Variants in AFAP1L2 observed in about 807,000 individuals in gnomAD.
AFAP1L2 encodes the protein actin filament-associated protein 1-like 2.
In AFAP1L2, 46 loss-of-function variants were observed where a neutral mutation model predicts 99.3. The ratio of observed to expected loss-of-function variants is 0.46; its 90% CI spans 0.37 to 0.59. The LOEUF (loss-of-function observed/expected upper bound fraction) is 0.59. Among genes scored for constraint, AFAP1L2 ranks in the 20% least tolerant of loss-of-function variants. The probability of loss-of-function intolerance (pLI) is 0.00; values close to 1 mark genes in which losing one functional copy is unlikely to be tolerated. For missense variants in AFAP1L2, 959 were observed against 1,034.9 expected, an observed-to-expected ratio of 0.93 and a Z score of 1.01; for synonymous variants, 397 against 419.1, an observed-to-expected ratio of 0.95 and a Z score of 0.64.
intron 1 of AFAP1L2, among the ~76,000 whole-genome samples, chr10:114,391,470 T>A (rs926621899): frequency 3.9e-5 from 6 of 152,184 alleles, no homozygotes; most frequent in Non-Finnish European, 5.9e-5. Flanking sequence ...TCCACCTGCC[T>A]CAGCCTCCCA....
At chr10:114,391,964 A>C (rs1337398069) in intron 1 of AFAP1L2, among the ~76,000 whole-genome samples, 1 of 152,194 alleles carries the variant, frequency 6.6e-6, no homozygotes, top group Non-Finnish European at 1.5e-5. Context: ...CTCTCCCCAC[A>C]GCCACTGGTG....
At chr10:114,310,796 G>C (rs1433980879) in intron 7 of AFAP1L2, among the ~76,000 whole-genome samples, 4 of 152,236 alleles carry the variant, frequency 2.6e-5, no homozygotes, top group Non-Finnish European at 2.9e-5. Context: ...CAGGGCTACT[G>C]TTCTGTTGCA....
chr10:114,296,352 G>A (rs1030361436), intron 18 of AFAP1L2: 3 of 453,688 alleles, frequency 6.6e-6, no homozygotes, highest in Non-Finnish European at 7.9e-6. Context: ...CATTGTTGTG[G>A]GACCTCCAAA....
At chr10:114,386,564 G>C (rs528492550) in intron 1 of AFAP1L2, among the ~76,000 whole-genome samples, 1 of 151,644 alleles carries the variant, frequency 6.6e-6, no homozygotes, top group African/African-American at 2.4e-5. Flanking sequence ...CTCTTCCCCC[G>C]GCAGAGATGG....
intron 1 of AFAP1L2, among the ~76,000 whole-genome samples, chr10:114,370,320 C>T (rs1327929192): frequency 6.6e-6 from 1 of 152,208 alleles, no homozygotes; most frequent in East Asian, 1.9e-4. Context: ...TACTACAAGC[C>T]TTCAGCTATT....
At chr10:114,312,137 G>A (rs1229308816) in intron 7 of AFAP1L2, among the ~76,000 whole-genome samples, 1 of 152,054 alleles carries the variant, frequency 6.6e-6, no homozygotes, top group Admixed American at 6.5e-5. Context: ...TCAGGAAGAG[G>A]GCGTGAGAGT....
At chr10:114,361,069 C>A (rs1204674452) in intron 1 of AFAP1L2, among the ~76,000 whole-genome samples, 2 of 152,094 alleles carry the variant, frequency 1.3e-5, no homozygotes, top group Non-Finnish European at 2.9e-5. Flanking sequence ...TATCGGCAGA[C>A]AGGAGAAGAG....
intron 1 of AFAP1L2, among the ~76,000 whole-genome samples, chr10:114,386,913 G>T (rs2056573030): frequency 6.6e-6 from 1 of 152,258 alleles, no homozygotes; most frequent in African/African-American, 2.4e-5. Context: ...TGGCATGGAA[G>T]GGTCCATTCC....
At chr10:114,389,599 G>C (rs1364652226) in intron 1 of AFAP1L2, among the ~76,000 whole-genome samples, 1 of 152,218 alleles carries the variant, frequency 6.6e-6, no homozygotes, top group Non-Finnish European at 1.5e-5. Flanking sequence ...TAAGAGCTCA[G>C]GCACTCAGAA....
rs2286398 is a variant in AFAP1L2, at chr10:114,308,722, C to T, written c.883-205G>A. ...CAAATGGCTGCTCAACCTGATGTGACAGTGACCCTGTAGCCAGTGGGCAGG... is the reference window on the plus strand; with the variant it reads ...CAAATGGCTGCTCAACCTGATGTGATAGTGACCCTGTAGCCAGTGGGCAGG... On this transcript the variant is annotated intron_variant, in intron 8 of 18. Transcript: ENST00000304129. Among the ~76,000 whole-genome samples the T allele has an allele frequency of 9.8e-5, 15 of 152,320 alleles. No individual in the cohort carries two copies. The East Asian group carries it at 2.7e-3, about 27-fold the overall frequency.
At chr10:114,287,738 A>C in the AFAP1L2 span, among the ~76,000 whole-genome samples, 1 of 152,210 alleles carries the variant, frequency 6.6e-6, no homozygotes, top group South Asian at 2.1e-4. Context: ...ATAATTGACA[A>C]TAGTGGAGAG....
chr10:114,307,303 G>A (rs1350347292), intron 10 of AFAP1L2, among the ~76,000 whole-genome samples: 6 of 151,852 alleles, frequency 4.0e-5, no homozygotes, highest in Admixed American at 2.6e-4. Context: ...ACTCCTACAT[G>A]CCCCTCAAGG....
rs17091542 is a variant in AFAP1L2, at chr10:114,297,232, A to T, written c.2295T>A (p.Asn765Lys). The change falls in exon 17 of 19, where the codon AAT becomes AAA. Residue 765 changes from asparagine to lysine, a missense_variant. Coordinates refer to ENST00000304129, the MANE Select transcript of AFAP1L2 (RefSeq NM_001001936.3). ...GTTVDTTHLE[N>K]VSPRPKAVTP... ...TTCCAGCACTCACGCGGGGGCTCAC[A>T]TTCTCCAGGTGGGTGGTGTCCACGG... The T allele has an allele frequency of 6.2e-7, 1 of 1,609,790 alleles. No homozygotes were observed. The highest frequency in any genetic ancestry group is 1.3e-5 in the African/African-American group (1 of 74,540).
At chr10:114,301,829 A>C (rs963071986) in intron 12 of AFAP1L2, 4 of 307,430 alleles carry the variant, frequency 1.3e-5, no homozygotes, top group Non-Finnish European at 2.5e-5. Flanking sequence ...GGGGTGGCGC[A>C]GGCCAGACAC....
At chr10:114,398,741 G>T in intron 1 of AFAP1L2, 1 of 1,056,388 alleles carries the variant, frequency 9.5e-7, no homozygotes, top group Non-Finnish European at 1.3e-6. Context: ...CCAGCTCCTT[G>T]ATCTCCCTCA....
chr10:114,295,016 TAAA>T lies in AFAP1L2; in HGVS notation c.*1023_*1025del, dbSNP rs10627231. The T allele has an allele frequency of 2.2e-3, 1,936 of 882,988 alleles. 10 individuals are homozygous for T. The African/African-American group carries it at 0.029, about 13-fold the overall frequency. 54.7% of individuals were successfully genotyped at this position (882,988 alleles called of 1,614,324 possible). On this transcript the variant is annotated 3_prime_UTR_variant, in exon 19 of 19. Transcript: ENST00000304129. ...ATAGATGAAATGTTTCAACCTGTGTTAAAAAAAAAAAAAAAAAAATGCCATCAG... is the reference window on the plus strand; with the variant it reads ...ATAGATGAAATGTTTCAACCTGTGTTAAAAAAAAAAAAAAAATGCCATCAG...
chr10:114,315,343 TGA>T (rs1278508324), intron 6 of AFAP1L2, among the ~76,000 whole-genome samples: 2 of 152,174 alleles, frequency 1.3e-5, no homozygotes, highest in East Asian at 3.9e-4. Flanking sequence ...TTTGAGAACT[TGA>T]TGAAACTACT....
At chr10:114,305,054 C>A (rs1449104495) in intron 10 of AFAP1L2, 124 bp from the exon 11 acceptor site, 2 of 504,022 alleles carry the variant, frequency 4.0e-6, no homozygotes, top group Admixed American at 3.5e-5. Context: ...GGAGGGGAAG[C>A]GGATGCGGAT....
In AFAP1L2 at chr10:114,295,768, AAAAG is replaced by A. The variant is rs1236595409; in HGVS notation, c.*270_*273del. ...GTAAAGCAATTGATGACAACTTCAA[AAAAG>A]AAAGAAACACAGAACATCCCTAAAT... On this transcript the variant is annotated 3_prime_UTR_variant, in exon 19 of 19. Coordinates refer to ENST00000304129, the MANE Select transcript of AFAP1L2 (RefSeq NM_001001936.3). The A allele has an allele frequency of 1.0e-5, 12 of 1,181,886 alleles. No individual in the cohort carries two copies. The highest frequency in any genetic ancestry group is 3.3e-5 in the South Asian group (1 of 30,160). The allele number at this position is 1,181,886 out of a possible 1,614,324, so 73.2% of individuals were successfully genotyped here.
Sources: gnomAD v4.1 joint callset for allele counts (sites outside exome capture counted in the v4.1 genomes callset) on GRCh38, gnomAD v4.1.1 for gene constraint, MANE v1.5 for transcripts, NCBI Gene and HGNC (gene_info 2026-07-23, HGNC 2026-07-21) for gene names.